Variants in MINDY4 observed in about 807,000 individuals in gnomAD.
The protein encoded by MINDY4 is probable ubiquitin carboxyl-terminal hydrolase MINDY-4.
Under a neutral mutation model 87.0 loss-of-function variants are expected in MINDY4, and 68 were observed. The observed-to-expected ratio is 0.78, with a 90% CI of 0.64 to 0.96. The LOEUF is 0.96. MINDY4 is among the 40% of genes least tolerant of loss of function. The pLI is 0.00. For missense variants in MINDY4, 919 were observed against 928.2 expected (o/e 0.99, Z 0.13); for synonymous variants, 379 against 363.2 (o/e 1.04, Z -0.50).
At chr7:30,796,502 G>T (rs1487104107) in intron 5 of MINDY4, among the ~76,000 whole-genome samples, 2 of 152,122 alleles carry the variant, frequency 1.3e-5, no homozygotes, top group East Asian at 1.9e-4. Flanking sequence ...TTTTAAAAAA[G>T]ATTTTAAATT....
At chr7:30,779,202 A>C (rs1786923686) in intron 2 of MINDY4, among the ~76,000 whole-genome samples, 1 of 152,202 alleles carries the variant, frequency 6.6e-6, no homozygotes, top group South Asian at 2.1e-4. Context: ...ATGTGATTTT[A>C]AAATTAGTAT....
At position 30,771,498 on chromosome 7, in the gene MINDY4, A is replaced by G; in HGVS notation, c.5A>G (p.Asp2Gly). 1 of 1,605,156 alleles carries G rather than the reference A, an allele frequency of 6.2e-7. No individual in the cohort carries two copies. The highest frequency in any genetic ancestry group is 8.5e-7 in the Non-Finnish European group (1 of 1,177,076). The change falls in exon 1 of 18, where the codon GAC (aspartate) becomes GGC (glycine). Residue 2 changes from aspartate (D) to glycine (G), a missense_variant. Coordinates refer to ENST00000265299, the MANE Select transcript of MINDY4 (RefSeq NM_032222.3). Reference protein sequence around the residue: MDSLFVEEVAAS... With the variant: MGSLFVEEVAAS... Reference sequence around the variant, plus strand: ...GGCAGAGCCAGAGCCAGAGCCATGGACAGCCTCTTCGTGGAGGAGGTGGCC... The same window carrying G: ...GGCAGAGCCAGAGCCAGAGCCATGGGCAGCCTCTTCGTGGAGGAGGTGGCC...
chr7:30,804,748 A>G (rs1787756812), intron 5 of MINDY4, among the ~76,000 whole-genome samples: 1 of 152,242 alleles, frequency 6.6e-6, no homozygotes, highest in African/African-American at 2.4e-5. Context: ...AAAATGACCA[A>G]GCAGTCTGAG....
chr7:30,877,679 TC>T (rs1562564234), intron 15 of MINDY4, among the ~76,000 whole-genome samples: 4 of 126,266 alleles, frequency 3.2e-5, no homozygotes, highest in African/African-American at 1.6e-4. Flanking sequence ...TTCTTCTTCT[TC>T]TTCTTTTTTT....
At chr7:30,799,170 A>G (rs1216822549) in intron 5 of MINDY4, among the ~76,000 whole-genome samples, 1 of 152,118 alleles carries the variant, frequency 6.6e-6, no homozygotes, top group Non-Finnish European at 1.5e-5. Flanking sequence ...ATGAAGGGGT[A>G]GGATGGGCTG....
At chr7:30,831,735 T>C (rs1788708539) in intron 6 of MINDY4, among the ~76,000 whole-genome samples, 1 of 152,200 alleles carries the variant, frequency 6.6e-6, no homozygotes, top group South Asian at 2.1e-4. Flanking sequence ...AAAAAAGCTG[T>C]GTGGCCCATT....
In MINDY4 at chr7:30,771,502, C is replaced by T. The variant is rs1292945898; in HGVS notation, c.9C>T (p.Ser3=). 1 of 1,605,372 alleles carries T rather than the reference C, an allele frequency of 6.2e-7. No homozygotes were observed. Among genetic ancestry groups the T allele is most frequent in the Non-Finnish European group, 8.5e-7 (1 of 1,177,150 alleles). Residue 3 remains serine, a synonymous_variant, in exon 1 of 18, where the codon AGC becomes AGT. Transcript: ENST00000265299. MD[S]LFVEEVAASL... ...GAGCCAGAGCCAGAGCCATGGACAGCCTCTTCGTGGAGGAGGTGGCCGCCT... is the reference window on the plus strand; with the variant it reads ...GAGCCAGAGCCAGAGCCATGGACAGTCTCTTCGTGGAGGAGGTGGCCGCCT...
At chr7:30,841,108 C>A (rs766982188) in intron 9 of MINDY4, among the ~76,000 whole-genome samples, 15 of 150,912 alleles carry the variant, frequency 9.9e-5, no homozygotes, top group Non-Finnish European at 1.8e-4. Flanking sequence ...GACATCAAAA[C>A]CAATTTCCCT....
intron 13 of MINDY4, among the ~76,000 whole-genome samples, chr7:30,861,256 G>C (rs1789756067): frequency 6.6e-6 from 1 of 152,228 alleles, no homozygotes; most frequent in Non-Finnish European, 1.5e-5. Flanking sequence ...CCTCTCCTAA[G>C]ACGACAGTGT....
At chr7:30,781,909 G>C in intron 2 of MINDY4, 68 bp from the exon 3 acceptor site, 2 of 1,105,450 alleles carry the variant, frequency 1.8e-6, no homozygotes, top group East Asian at 5.0e-5. Context: ...AAGTGGAATA[G>C]TTGTCTTTTC....
intron 17 of MINDY4, among the ~76,000 whole-genome samples, chr7:30,886,001 T>G (rs111362720): frequency 6.6e-6 from 1 of 152,076 alleles, no homozygotes; most frequent in Non-Finnish European, 1.5e-5. Flanking sequence ...CCAGGTGACA[T>G]ACCACTGCAG....
At chr7:30,880,715 A>T (rs908978581) in intron 15 of MINDY4, among the ~76,000 whole-genome samples, 1 of 152,184 alleles carries the variant, frequency 6.6e-6, no homozygotes, top group Admixed American at 6.5e-5. Context: ...CCTGTAAGAC[A>T]TCTAATTCCC....
intron 4 of MINDY4, among the ~76,000 whole-genome samples, chr7:30,790,687 C>T (rs551572672): frequency 1.3e-5 from 2 of 152,168 alleles, no homozygotes; most frequent in Non-Finnish European, 2.9e-5. Context: ...TAAAGTGATA[C>T]ACCCGCCTTG....
intron 1 of MINDY4, among the ~76,000 whole-genome samples, chr7:30,776,518 A>G (rs1237355406): frequency 6.6e-6 from 1 of 152,050 alleles, no homozygotes; most frequent in East Asian, 1.9e-4. Context: ...ATCATACTAT[A>G]CTTGTTGTCT....
chr7:30,856,749 G>A (rs1340746321), intron 12 of MINDY4, among the ~76,000 whole-genome samples: 3 of 151,338 alleles, frequency 2.0e-5, no homozygotes, highest in Admixed American at 2.0e-4. Flanking sequence ...GATTAGGTAG[G>A]CTTTCTATGG....
At chr7:30,828,860 G>T in intron 6 of MINDY4, 123 bp downstream of exon 6, 2 of 811,088 alleles carry the variant, frequency 2.5e-6, no homozygotes, top group Non-Finnish European at 4.1e-6. Flanking sequence ...GAGTGGGGCT[G>T]GTCAAGTGAG....
At chr7:30,833,278 G>A (rs889442470) in intron 6 of MINDY4, among the ~76,000 whole-genome samples, 12 of 152,204 alleles carry the variant, frequency 7.9e-5, no homozygotes, top group Admixed American at 5.9e-4. Flanking sequence ...GTTCCACGTT[G>A]CTGGGGAAGC....
rs965752607 is a variant in MINDY4 at position 30,820,884 on chromosome 7, T to A, written c.1074-7795T>A. Among the ~76,000 whole-genome samples the A allele has an allele frequency of 3.3e-5, 5 of 152,370 alleles. No individual in the cohort carries two copies. In the South Asian group the frequency reaches 1.0e-3, roughly 32 times the overall value. ...GAAAAATGGAATTGCAGAATAATGC[T>A]ATTTTTAACTTTTTGAGGAACTCCC... On this transcript the variant is annotated intron_variant, in intron 5 of 17. Transcript: ENST00000265299.
chr7:30,881,529 T>C (rs1051233587), intron 15 of MINDY4, among the ~76,000 whole-genome samples: 1 of 152,208 alleles, frequency 6.6e-6, no homozygotes, highest in Non-Finnish European at 1.5e-5. Flanking sequence ...CGTGCAGTTC[T>C]AGTTCAAGTC....
Sources: gnomAD v4.1 joint callset for allele counts (sites outside exome capture counted in the v4.1 genomes callset) on GRCh38, gnomAD v4.1.1 for gene constraint, MANE v1.5 for transcripts, NCBI Gene and HGNC (gene_info 2026-07-23, HGNC 2026-07-21) for gene names.